Variants in CECR2 observed in about 807,000 individuals in gnomAD.
CECR2 encodes chromatin remodeling regulator CECR2.
Under a neutral mutation model 154.5 loss-of-function variants are expected in CECR2, and 30 were observed. The observed-to-expected ratio is 0.19, with a 90% confidence interval of 0.15 to 0.26. The LOEUF (loss-of-function observed/expected upper bound fraction) is 0.26. CECR2 is among the 10% of genes least tolerant of loss of function. The pLI, the probability that CECR2 is intolerant of heterozygous loss-of-function variation, is 1.00. For missense variants in CECR2, 1,743 were observed against 1,829.3 expected, an observed-to-expected ratio of 0.95 and a Z score of 0.86; for synonymous variants, 725 against 683.7, an observed-to-expected ratio of 1.06 and a Z score of -0.94.
chr22:17,555,628 A>G lies in CECR2; in HGVS notation c.*2788A>G, dbSNP rs1430945124. 6.6e-6 allele frequency: 1 copy of G among 152,192 alleles called. No homozygotes were observed. Among genetic ancestry groups the G allele is most frequent in the Non-Finnish European group, 1.5e-5 (1 of 68,038 alleles). The allele number at this position is 152,192 out of a possible 1,614,324, so 9.4% of individuals were successfully genotyped here. ...CTTTCCAAGTGTCTTAAGCAGATGC[A>G]ATGTCTTAAAGCAGATGCAAATGCA... On this transcript the variant is annotated 3_prime_UTR_variant, in exon 19 of 19. Coordinates refer to ENST00000262608, the MANE Select transcript of CECR2 (RefSeq NM_001290047.2).
At chr22:17,530,299 A>G (rs2056334518) in intron 9 of CECR2, among the ~76,000 whole-genome samples, 1 of 151,414 alleles carries the variant, frequency 6.6e-6, no homozygotes, top group Non-Finnish European at 1.5e-5. Flanking sequence ...CGCGCCCGGC[A>G]CATGACTGCA....
rs575818466 is a variant in CECR2, at chr22:17,436,614, T to C, written c.127-40974T>C. ...GTTGAGCTGCCTCTGTTCCTACTTC[T>C]GAAATGCCTGTGCAATGCTGACTGA... On this transcript the variant is annotated intron_variant, in intron 1 of 18. Coordinates refer to ENST00000262608, the MANE Select transcript of CECR2 (RefSeq NM_001290047.2). 5.9e-5 allele frequency among the ~76,000 whole-genome samples: 9 copies of C among 152,356 alleles called. No individual in the cohort carries two copies. In the South Asian group the frequency reaches 1.9e-3, roughly 32 times the overall value.
At chr22:17,388,906 G>A (rs910132911) in intron 1 of CECR2, among the ~76,000 whole-genome samples, 1 of 151,798 alleles carries the variant, frequency 6.6e-6, no homozygotes, top group African/African-American at 2.4e-5. Context: ...CTCAGCCTCC[G>A]GGTTCAAGCA....
intron 1 of CECR2, among the ~76,000 whole-genome samples, chr22:17,455,256 ATTTC>A (rs1338400423): frequency 2.0e-5 from 3 of 152,244 alleles, no homozygotes; most frequent in African/African-American, 2.4e-5. Flanking sequence ...AAGTACATTG[ATTTC>A]TTTATTACGG....
intron 1 of CECR2, among the ~76,000 whole-genome samples, chr22:17,373,113 A>C (rs903672997): frequency 6.6e-6 from 1 of 152,078 alleles, no homozygotes; most frequent in African/African-American, 2.4e-5. Context: ...CCCAGGCTGG[A>C]GTACAGTGGC....
intron 1 of CECR2, among the ~76,000 whole-genome samples, chr22:17,449,383 T>C (rs5746393): frequency 0.3 from 45,482 of 151,632 alleles, 9,776 homozygotes; most frequent in African/African-American, 0.58. Flanking sequence ...CACCTGTCTG[T>C]ACTGTCTTGG....
intron 1 of CECR2, among the ~76,000 whole-genome samples, chr22:17,435,750 A>AT (rs200969792): frequency 0.011 from 1,689 of 148,176 alleles, 34 homozygotes; most frequent in African/African-American, 0.039. Context: ...TGAAACGGTG[A>AT]TTTTTTCTCA....
In CECR2 at chr22:17,548,803, C is replaced by A. The variant is rs370707590; in HGVS notation, c.3516C>A (p.Gly1172=). ...GFQSNHPHSG[G]FPRYRPPQGM... ...AGTCTAACCACCCACATTCTGGAGG[C>A]TTTCCCCGGTATCGCCCCCCACAAG... is the stretch of plus-strand genomic sequence containing the variant. Residue 1172 remains glycine (G), a synonymous_variant, in exon 17 of 19, where the codon GGC becomes GGA. Coordinates refer to ENST00000262608, the MANE Select transcript of CECR2 (RefSeq NM_001290047.2). The A allele has an allele frequency of 7.4e-6, 12 of 1,613,784 alleles. No homozygotes were observed. Among genetic ancestry groups the A allele is most frequent in the Non-Finnish European group, 1.0e-5 (12 of 1,179,862 alleles).
chr22:17,496,261 G>A (rs539786528), intron 2 of CECR2, among the ~76,000 whole-genome samples: 178 of 152,218 alleles, frequency 1.2e-3, no homozygotes, highest in Non-Finnish European at 1.7e-3. Context: ...ACTTTGTGAG[G>A]ACGAGGCGGG....
chr22:17,500,246 T>G (rs1193604566), intron 4 of CECR2, among the ~76,000 whole-genome samples: 1 of 150,848 alleles, frequency 6.6e-6, no homozygotes, highest in Non-Finnish European at 1.5e-5. Context: ...TGATGTAGTT[T>G]ATGAACGTTA....
upstream of CECR2, among the ~76,000 whole-genome samples, chr22:17,366,756 G>C (rs564757638): frequency 2.0e-5 from 3 of 152,218 alleles, no homozygotes; most frequent in African/African-American, 2.4e-5. Context: ...ATCCTAACAG[G>C]GCCAGAGAAG....
chr22:17,449,660 T>G (rs1420255365), intron 1 of CECR2, among the ~76,000 whole-genome samples: 1 of 151,654 alleles, frequency 6.6e-6, no homozygotes, highest in Non-Finnish European at 1.5e-5. Context: ...CGGCTAATTT[T>G]TTGTATTTTT....
intron 12 of CECR2, 131 bp downstream of exon 12, chr22:17,538,862 G>GT (rs2056477610): frequency 1.5e-6 from 2 of 1,319,120 alleles, no homozygotes; most frequent in Admixed American, 4.5e-5. Context: ...TTCATGTGAT[G>GT]TTTCTCGTTT....
intron 14 of CECR2, 94 bp downstream of exon 14, chr22:17,540,894 T>G (rs1601539680): frequency 1.6e-6 from 2 of 1,278,734 alleles, no homozygotes; most frequent in East Asian, 2.6e-5. Flanking sequence ...TGCAAAATAC[T>G]TACGTGTATG....
rs148335235 is a variant in CECR2, at chr22:17,371,854, T to A, written c.126+1945T>A. ...AAAGCTAGAGGTAACTCATTTTGCC[T>A]TAAGTACTCGCAGCATATTTAGAGT... On this transcript the variant is annotated intron_variant, in intron 1 of 18. Coordinates refer to ENST00000262608, the MANE Select transcript of CECR2 (RefSeq NM_001290047.2). Among the ~76,000 whole-genome samples the A allele has an allele frequency of 3.3e-5, 5 of 152,366 alleles. No individual in the cohort carries two copies. In the East Asian group the frequency reaches 9.6e-4, roughly 29 times the overall value.
chr22:17,383,150 G>T (rs868150978), intron 1 of CECR2, among the ~76,000 whole-genome samples: 1 of 151,996 alleles, frequency 6.6e-6, no homozygotes. Context: ...TCTTGAACCC[G>T]GGAGGCGGAG....
intron 1 of CECR2, among the ~76,000 whole-genome samples, chr22:17,378,727 T>C (rs912515069): frequency 2.0e-5 from 3 of 152,230 alleles, no homozygotes; most frequent in African/African-American, 7.2e-5. Context: ...TGAGAATCAT[T>C]ACTTTAGTGT....
At chr22:17,385,584 A>C (rs1404287233) in intron 1 of CECR2, among the ~76,000 whole-genome samples, 2 of 152,238 alleles carry the variant, frequency 1.3e-5, no homozygotes, top group African/African-American at 4.8e-5. Flanking sequence ...GTAATATCCA[A>C]GATCACTAGT....
At position 17,491,581 on chromosome 22, in the gene CECR2, G is replaced by GGA. The variant is rs766998122; in HGVS notation, c.222-5822_222-5821insGA. Among the ~76,000 whole-genome samples the GGA allele has an allele frequency of 1.9e-4, 10 of 52,740 alleles. 1 individual carries two copies. The Admixed American group carries it at 2.3e-3, about 12-fold the overall frequency. The allele number at this position is 52,740 out of a possible 152,430, so 34.6% of individuals were successfully genotyped here. On this transcript the variant is annotated intron_variant, in intron 2 of 18. Transcript: ENST00000262608. ...GGCTTCTTATTCTGTGTGTGTGTGTGTGGGGGGGTGGGTGTTTAGCAGTCG... is the reference window on the plus strand; with the variant it reads ...GGCTTCTTATTCTGTGTGTGTGTGTGGATGGGGGGGTGGGTGTTTAGCAGTCG...
Sources: gnomAD v4.1 joint callset for allele counts (sites outside exome capture counted in the v4.1 genomes callset) on GRCh38, gnomAD v4.1.1 for gene constraint, MANE v1.5 for transcripts, NCBI Gene and HGNC (gene_info 2026-07-23, HGNC 2026-07-21) for gene names.